Variants in PDE3A observed in about 807,000 individuals in gnomAD.
PDE3A encodes phosphodiesterase 3A.
In PDE3A, 43 loss-of-function variants were observed where a neutral mutation model predicts 98.3. That is an observed-to-expected ratio of 0.44 (90% CI 0.34 to 0.56). The LOEUF is 0.56. Among genes scored for constraint, PDE3A ranks in the 20% least tolerant of loss-of-function variants. PDE3A has a pLI of 0.01. For missense variants in PDE3A, 1,427 were observed against 1,440.7 expected (o/e 0.99, Z 0.15); for synonymous variants, 663 against 567.9 (o/e 1.17, Z -2.38).
At chr12:20,630,360 G>T (rs1037885209) in intron 6 of PDE3A, among the ~76,000 whole-genome samples, 10 of 152,242 alleles carry the variant, frequency 6.6e-5, no homozygotes, top group Non-Finnish European at 1.3e-4. Flanking sequence ...CTTTAGAGAG[G>T]ATACAAAACT....
chr12:20,463,888 G>A lies in PDE3A; in HGVS notation c.961-92772G>A, dbSNP rs189373398. Among the ~76,000 whole-genome samples, 272 of 152,180 alleles carry A rather than the reference G, an allele frequency of 1.8e-3. 1 individual carries two copies. The highest frequency in any genetic ancestry group is 2.1e-3 in the Non-Finnish European group (146 of 67,982). Reference sequence around the variant, plus strand: ...TTGTGTGTATATGTATTGTATATGCGTGTGTAATTCTTGTTTTAGACTTTT... The same window carrying A: ...TTGTGTGTATATGTATTGTATATGCATGTGTAATTCTTGTTTTAGACTTTT... On this transcript the variant is annotated intron_variant, in intron 1 of 15. Transcript: ENST00000359062.
At position 20,680,122 on chromosome 12, in the gene PDE3A, G is replaced by A; in HGVS notation, c.3277G>A (p.Glu1093Lys). Residue 1093 changes from glutamate (E) to lysine (K), a missense_variant, in exon 16 of 16, where the codon GAG becomes AAG. By Grantham distance (56) the Glu-to-Lys change is moderately conservative. Around this residue, in one of 3 missense-constraint regions of PDE3A, gnomAD observed 142 missense variants for 133.9 expected, o/e 1.06. Transcript: ENST00000359062. Reference sequence around the variant, plus strand: ...GATGTGGAAGAAAGTCATTGAAGAGGAGCAACGGTTGGCAGGCATAGAAAA... The same window carrying A: ...GATGTGGAAGAAAGTCATTGAAGAGAAGCAACGGTTGGCAGGCATAGAAAA... ...HKMWKKVIEE[E>K]QRLAGIENQS... 3.7e-6 allele frequency: 6 copies of A among 1,613,636 alleles called. No homozygotes were observed. Among genetic ancestry groups the A allele is most frequent in the Non-Finnish European group, 5.1e-6 (6 of 1,179,736 alleles).
intron 1 of PDE3A, among the ~76,000 whole-genome samples, chr12:20,380,307 G>A (rs975053641): frequency 6.6e-6 from 1 of 151,858 alleles, no homozygotes; most frequent in Non-Finnish European, 1.5e-5. Context: ...TCCAACTGCC[G>A]TGCTAGTTCC....
intron 2 of PDE3A, among the ~76,000 whole-genome samples, chr12:20,586,399 A>G (rs992185609): frequency 6.6e-6 from 1 of 152,196 alleles, no homozygotes; most frequent in South Asian, 2.1e-4. Context: ...TATTTCTCCT[A>G]GTGGGACTGC....
intron 1 of PDE3A, among the ~76,000 whole-genome samples, chr12:20,508,213 G>A (rs1183549587): frequency 6.6e-6 from 1 of 151,910 alleles, no homozygotes; most frequent in African/African-American, 2.4e-5. Context: ...CTCTCTGCCT[G>A]TGTCTTCAAG....
chr12:20,415,057 C>G (rs1944400458), intron 1 of PDE3A, among the ~76,000 whole-genome samples: 1 of 151,266 alleles, frequency 6.6e-6, no homozygotes, highest in African/African-American at 2.4e-5. Context: ...TATTTAAAGA[C>G]TTTCTTTTTT....
chr12:20,403,416 G>A (rs1463001945), intron 1 of PDE3A, among the ~76,000 whole-genome samples: 2 of 152,122 alleles, frequency 1.3e-5, no homozygotes, highest in Non-Finnish European at 2.9e-5. Context: ...TGCTTGTCAG[G>A]TTAATAGTCT....
At chr12:20,660,344 G>C (rs1945136664) in intron 15 of PDE3A, among the ~76,000 whole-genome samples, 1 of 152,156 alleles carries the variant, frequency 6.6e-6, no homozygotes, top group Non-Finnish European at 1.5e-5. Context: ...GACTAATACA[G>C]TAAGTTGGTA....
intron 1 of PDE3A, among the ~76,000 whole-genome samples, chr12:20,510,147 C>T (rs1946194030): frequency 6.6e-6 from 1 of 151,876 alleles, no homozygotes; most frequent in African/African-American, 2.4e-5. Context: ...TCAGTATTTT[C>T]TTCTAAATTT....
intron 1 of PDE3A, among the ~76,000 whole-genome samples, chr12:20,445,932 A>G (rs928581895): frequency 6.6e-6 from 1 of 152,172 alleles, no homozygotes; most frequent in African/African-American, 2.4e-5. Context: ...GAAGATGAGC[A>G]TATGACTGAC....
Position 20,648,666 on chromosome 12 carries a change from CTT to C in PDE3A, c.2566-21_2566-20del. 4 of 1,497,710 alleles carry C rather than the reference CTT, an allele frequency of 2.7e-6. No individual in the cohort carries two copies. Among genetic ancestry groups the C allele is most frequent in the Non-Finnish European group, 3.7e-6 (4 of 1,074,754 alleles). The allele number at this position is 1,497,710 out of a possible 1,614,324, so 92.8% of individuals were successfully genotyped here. On this transcript the variant is annotated intron_variant, in intron 12 of 15. Coordinates refer to ENST00000359062, the MANE Select transcript of PDE3A (RefSeq NM_000921.5). ...GATTATTTTCTTAAAAAGTTGAACT[CTT>C]AACTGTCTTATTTGCCTAGGCGGTG... is the stretch of plus-strand genomic sequence containing the variant.
chr12:20,555,234 G>A (rs972823138), intron 1 of PDE3A, among the ~76,000 whole-genome samples: 7 of 152,090 alleles, frequency 4.6e-5, no homozygotes, highest in Admixed American at 4.6e-4. Context: ...GTCTGGTCTC[G>A]AACTCCTCAC....
chr12:20,672,359 T>C (rs1303831776), intron 15 of PDE3A, among the ~76,000 whole-genome samples: 1 of 113,290 alleles, frequency 8.8e-6, no homozygotes, highest in Non-Finnish European at 1.8e-5. Context: ...TTAAAGTTCA[T>C]ATGGAACCAA....
intron 1 of PDE3A, among the ~76,000 whole-genome samples, chr12:20,424,363 T>C (rs1944570553): frequency 6.6e-6 from 1 of 151,854 alleles, no homozygotes; most frequent in African/African-American, 2.4e-5. Context: ...CTGCCCTCTT[T>C]CAATTACTTC....
At chr12:20,583,931 G>GTT (rs1943132450) in intron 2 of PDE3A, among the ~76,000 whole-genome samples, 2 of 152,206 alleles carry the variant, frequency 1.3e-5, no homozygotes, top group Admixed American at 1.3e-4. Context: ...AGTACAAAGA[G>GTT]TTTGACTGAT....
chr12:20,555,519 C>T (rs368953956), intron 1 of PDE3A, among the ~76,000 whole-genome samples: 1 of 152,154 alleles, frequency 6.6e-6, no homozygotes, highest in East Asian at 1.9e-4. Flanking sequence ...AGGTATAGTT[C>T]TCATATTCTG....
At chr12:20,386,104 T>TATATAAATATATAA (rs1184630117) in intron 1 of PDE3A, among the ~76,000 whole-genome samples, 6 of 75,894 alleles carry the variant, frequency 7.9e-5, no homozygotes, top group East Asian at 3.4e-4. Flanking sequence ...TATATAAATA[T>TATATAAATATATAA]ATATATAAAT....
chr12:20,459,578 CAA>C (rs1945213009), intron 1 of PDE3A, among the ~76,000 whole-genome samples: 1 of 152,044 alleles, frequency 6.6e-6, no homozygotes, highest in Admixed American at 6.6e-5. Context: ...ATTTCACCAT[CAA>C]GAGATTGTTT....
chr12:20,425,374 A>G (rs1944586560), intron 1 of PDE3A, among the ~76,000 whole-genome samples: 1 of 152,118 alleles, frequency 6.6e-6, no homozygotes, highest in Non-Finnish European at 1.5e-5. Flanking sequence ...CTCTTTAAAG[A>G]GAATATTTCA....
Sources: gnomAD v4.1 joint callset for allele counts (sites outside exome capture counted in the v4.1 genomes callset) on GRCh38, gnomAD v4.1.1 for gene constraint, gnomAD v4.1.1 regional missense constraint, MANE v1.5 for transcripts, NCBI Gene and HGNC (gene_info 2026-07-23, HGNC 2026-07-21) for gene names.